The following LINGO1 variants were observed in gnomAD, a reference collection of about 807,000 sequenced individuals.
LINGO1 encodes leucine-rich repeat and immunoglobulin-like domain-containing nogo receptor-interacting protein 1.
LINGO1 carries 11 observed loss-of-function variants against 37.3 expected under a neutral mutation model. The ratio of observed to expected loss-of-function variants is 0.29; its 90% CI spans 0.19 to 0.49. The LOEUF is 0.49. Ranked by LOEUF, LINGO1 falls within the 20% of genes least tolerant of loss-of-function variation. The pLI is 0.99. For missense variants in LINGO1, 585 were observed against 878.2 expected (o/e 0.67, Z 4.22); for synonymous variants, 387 against 403.0 (o/e 0.96, Z 0.48).
In LINGO1 at chr15:77,614,509, G is replaced by C; in HGVS notation, c.1398C>G (p.Val466=). The change falls in exon 2 of 2, where the codon GTC becomes GTG. Residue 466 remains valine, a synonymous_variant. Coordinates refer to ENST00000355300, the MANE Select transcript of LINGO1 (RefSeq NM_032808.7). ...ILWLSPRKHL[V]SAKSNGRLTV... ...TGAGCCGCCCATTGCTCTTGGCTGA[G>C]ACCAGGTGCTTTCGGGGTGAGAGCC... 6.2e-7 allele frequency: 1 copy of C among 1,610,782 alleles called. No individual in the cohort carries two copies.
chr15:77,631,457 G>A (rs1255806180), intron 1 of LINGO1, among the ~76,000 whole-genome samples: 2 of 152,220 alleles, frequency 1.3e-5, no homozygotes, highest in South Asian at 2.1e-4. Flanking sequence ...GCAGGAACCG[G>A]GAGGGGCTGC....
chr15:77,700,905 G>T (rs961511677), upstream of LINGO1, among the ~76,000 whole-genome samples: 1 of 152,118 alleles, frequency 6.6e-6, no homozygotes, highest in Non-Finnish European at 1.5e-5. Context: ...CCTCACCCAC[G>T]GACCAGGCTT....
At chr15:77,630,316 A>G (rs2074216899) in intron 1 of LINGO1, among the ~76,000 whole-genome samples, 1 of 152,116 alleles carries the variant, frequency 6.6e-6, no homozygotes. Context: ...GTGCTTCTCC[A>G]GATATCTGCG....
At chr15:77,746,105 G>C (rs1280603401) in intron 1 of LINGO1, among the ~76,000 whole-genome samples, 4 of 151,234 alleles carry the variant, frequency 2.6e-5, no homozygotes, top group Non-Finnish European at 4.4e-5. Flanking sequence ...CTACACAGGA[G>C]ACTGAGGCAG....
upstream of LINGO1, among the ~76,000 whole-genome samples, chr15:77,637,476 C>T (rs1269263626): frequency 6.6e-6 from 1 of 152,186 alleles, no homozygotes; most frequent in Non-Finnish European, 1.5e-5. This position sits in a 1 kb window ranked among gnomAD's most constrained non-coding sequence, Gnocchi z 4.6. Flanking sequence ...ACCTTCCCCT[C>T]GGGCGGGGCT....
At chr15:77,758,616 TTC>T in intron 1 of LINGO1, among the ~76,000 whole-genome samples, 1 of 152,302 alleles carries the variant, frequency 6.6e-6, no homozygotes, top group East Asian at 1.9e-4. Flanking sequence ...GATGAGCACA[TTC>T]TCTGGAATGA....
intron 3 of LINGO1, among the ~76,000 whole-genome samples, chr15:77,650,379 G>C (rs1156234546): frequency 1.3e-5 from 2 of 152,182 alleles, no homozygotes; most frequent in African/African-American, 2.4e-5. Context: ...CTCCCAGGTG[G>C]GACACAGAAT....
rs955714560 is a variant in LINGO1, at chr15:77,760,595, C to T, written c.-256-25542G>A. Among the ~76,000 whole-genome samples the T allele has an allele frequency of 2.0e-5, 3 of 152,354 alleles. No individual in the cohort carries two copies. In the East Asian group the frequency reaches 5.8e-4, roughly 29 times the overall value. On this transcript the variant is annotated intron_variant, in intron 1 of 3. Coordinates refer to the LINGO1 transcript ENST00000561686. ...GGGTGGCCCTCCAGTTATCCACGGT[C>T]CTTATCAACCTGCTTTGCTCATTTC...
chr15:77,773,175 C>A (rs1020219895), intron 1 of LINGO1, among the ~76,000 whole-genome samples: 1 of 152,234 alleles, frequency 6.6e-6, no homozygotes, highest in Non-Finnish European at 1.5e-5. Flanking sequence ...TCCTATAAGG[C>A]CTCAGTCTCC....
chr15:77,804,981 C>A (rs988091522), intron 1 of LINGO1, among the ~76,000 whole-genome samples: 2 of 151,796 alleles, frequency 1.3e-5, no homozygotes, highest in African/African-American at 4.9e-5. Context: ...CAGTGCCCAC[C>A]CCCCCAACTG....
intron 3 of LINGO1, among the ~76,000 whole-genome samples, chr15:77,661,139 C>T (rs1386834582): frequency 6.6e-6 from 1 of 152,184 alleles, no homozygotes; most frequent in East Asian, 1.9e-4. Flanking sequence ...TTAGCTTCAT[C>T]CCTTGCCCTC....
At chr15:77,716,494 T>C (rs774040530) in intron 2 of LINGO1, among the ~76,000 whole-genome samples, 2 of 149,414 alleles carry the variant, frequency 1.3e-5, no homozygotes, top group Non-Finnish European at 3.0e-5. Flanking sequence ...CCTAGGTGTA[T>C]GGCTATGTAC....
intron 3 of LINGO1, among the ~76,000 whole-genome samples, chr15:77,674,795 T>G (rs1001166764): frequency 6.6e-6 from 1 of 151,770 alleles, no homozygotes; most frequent in African/African-American, 2.4e-5. Flanking sequence ...CCTTAGCACT[T>G]AACACTCCCA....
chr15:77,804,203 G>A (rs1291602969), intron 1 of LINGO1, among the ~76,000 whole-genome samples: 1 of 152,150 alleles, frequency 6.6e-6, no homozygotes, highest in Non-Finnish European at 1.5e-5. Context: ...CTAACACAGG[G>A]CCATGGCTTT....
At chr15:77,623,042 C>G (rs2073972722) in intron 1 of LINGO1, among the ~76,000 whole-genome samples, 1 of 152,224 alleles carries the variant, frequency 6.6e-6, no homozygotes, top group Non-Finnish European at 1.5e-5. Flanking sequence ...CAGCTCCACA[C>G]TCCCAGGCCC....
Position 77,766,478 on chromosome 15 carries a change from T to TGGCTCTGTGTTC in LINGO1, c.-257+20379_-257+20390dup, listed in dbSNP as rs1312506410. 8.5e-5 allele frequency among the ~76,000 whole-genome samples: 13 copies of TGGCTCTGTGTTC among 152,290 alleles called. No homozygotes were observed. In the East Asian group the frequency reaches 2.5e-3, roughly 29 times the overall value. ...CATTTTAAAGAGAATTGATATGATT[T>TGGCTCTGTGTTC]GGCTCTGTGTTCCCACCAAAATCTC... is the stretch of plus-strand genomic sequence containing the variant. On this transcript the variant is annotated intron_variant, in intron 1 of 3. Transcript: ENST00000561686.
At chr15:77,664,683 C>A (rs1567503772) in intron 3 of LINGO1, among the ~76,000 whole-genome samples, 1 of 152,156 alleles carries the variant, frequency 6.6e-6, no homozygotes, top group South Asian at 2.1e-4. Flanking sequence ...CCACCAGGAG[C>A]CCCTACCTGG....
chr15:77,776,530 G>GGAAGGCAGGAAAGCAGGA (rs2076653137), intron 1 of LINGO1, among the ~76,000 whole-genome samples: 13 of 34,542 alleles, frequency 3.8e-4, no homozygotes, highest in East Asian at 2.0e-3. Flanking sequence ...GGGAGGAAGG[G>GGAAGGCAGGAAAGCAGGA]AGGGAGGGAG....
chr15:77,664,174 C>CGCACGCGCGCGCGT (rs2075074047), intron 3 of LINGO1, among the ~76,000 whole-genome samples: 1 of 100,380 alleles, frequency 1.0e-5, no homozygotes, highest in African/African-American at 3.7e-5. Flanking sequence ...TGTGTGTGCG[C>CGCACGCGCGCGCGT]GCGCGCATGC....
Sources: allele counts gnomAD v4.1 joint callset (sites outside exome capture counted in the v4.1 genomes callset), GRCh38; gene constraint gnomAD v4.1.1; non-coding constraint Gnocchi (gnomAD v3.1); transcripts MANE v1.5; gene names NCBI Gene and HGNC (gene_info 2026-07-23, HGNC 2026-07-21).